CCDC63: variants seen among roughly 807,000 people sequenced by gnomAD.
CCDC63 encodes coiled-coil domain-containing protein 63.
CCDC63 carries 54 observed loss-of-function variants against 63.6 expected under a neutral mutation model. That is an observed-to-expected ratio of 0.85 (90% CI 0.68 to 1.07). CCDC63 has a LOEUF of 1.07. Ranked by LOEUF, CCDC63 falls within the 50% of genes least tolerant of loss-of-function variation. CCDC63 has a pLI of 0.00. For missense variants in CCDC63, 637 were observed against 689.6 expected (o/e 0.92, Z 0.86); for synonymous variants, 253 against 266.1 (o/e 0.95, Z 0.48).
chr12:110,889,218 A>AC lies in CCDC63; in HGVS notation c.1075-3857dup, dbSNP rs1236745108. Among the ~76,000 whole-genome samples, 35 of 152,262 alleles carry AC rather than the reference A, an allele frequency of 2.3e-4. No individual in the cohort carries two copies. Among genetic ancestry groups the AC allele is most frequent in the African/African-American group, 6.7e-4 (28 of 41,548 alleles). ...TTATTGAGCACCTACTGCGTTCCAG[A>AC]CACTGCTCTAGACCCTGATAATGTG... On this transcript the variant is annotated intron_variant, in intron 8 of 11. Coordinates refer to ENST00000308208, the MANE Select transcript of CCDC63 (RefSeq NM_152591.3). This position sits in a 1 kb window ranked among gnomAD's most constrained non-coding sequence, Gnocchi z 4.1.
chr12:110,876,038 G>A (rs1011046278), intron 5 of CCDC63, among the ~76,000 whole-genome samples: 2 of 151,616 alleles, frequency 1.3e-5, no homozygotes, highest in African/African-American at 4.8e-5. Flanking sequence ...TCTAGGAGGC[G>A]GAGTTTGCAG....
intron 1 of CCDC63, among the ~76,000 whole-genome samples, chr12:110,848,627 T>C (rs903946399): frequency 1.3e-5 from 2 of 152,100 alleles, no homozygotes; most frequent in Admixed American, 1.3e-4. Flanking sequence ...AAAATCCCAC[T>C]TCACAAACAG....
intron 8 of CCDC63, among the ~76,000 whole-genome samples, chr12:110,884,971 TTA>T (rs1323294792): frequency 2.0e-5 from 3 of 151,506 alleles, no homozygotes; most frequent in African/African-American, 7.3e-5. Context: ...AGTGCTGGGA[TTA>T]TATAGATGTG....
Position 110,907,228 on chromosome 12 carries a change from C to G in CCDC63, c.1547-103C>G, listed in dbSNP as rs78540170. ...CCCCCTCCTTGAAACCTGAGAATTT[C>G]CATGCTCCACTCCCCAGTGCTATGG... On this transcript the variant is annotated intron_variant, in intron 11 of 11. Coordinates refer to ENST00000308208, the MANE Select transcript of CCDC63 (RefSeq NM_152591.3). This position sits in a 1 kb window ranked among gnomAD's most constrained non-coding sequence, Gnocchi z 4.4. The G allele has an allele frequency of 0.03, 33,046 of 1,116,656 alleles. 620 individuals carry two copies. Among genetic ancestry groups the G allele is most frequent in the Non-Finnish European group, 0.035 (28,168 of 800,360 alleles). 69.2% of individuals were successfully genotyped at this position (1,116,656 alleles called of 1,614,324 possible). A position where few individuals can be genotyped will look rare whatever the true frequency, so the allele number is the denominator to read the frequency against.
chr12:110,906,313 C>T (rs1314652394), intron 11 of CCDC63, among the ~76,000 whole-genome samples: 1 of 110,090 alleles, frequency 9.1e-6, no homozygotes, highest in African/African-American at 3.7e-5. Context: ...GGCTCAGAGG[C>T]AGGAAGAGGA....
rs529288661 is a variant in CCDC63, at chr12:110,903,933, G to A, written c.1343-655G>A. Among the ~76,000 whole-genome samples, 6 of 152,220 alleles carry A rather than the reference G, an allele frequency of 3.9e-5. No homozygotes were observed. The East Asian group carries it at 5.8e-4, about 15-fold the overall frequency. ...CCTGGTGTTTCTCAACCTTCTTTTCGTCATCATCCTGCTAAGGAGCCTCTC... is the reference window on the plus strand; with the variant it reads ...CCTGGTGTTTCTCAACCTTCTTTTCATCATCATCCTGCTAAGGAGCCTCTC... On this transcript the variant is annotated intron_variant, in intron 10 of 11. Transcript: ENST00000308208.
At chr12:110,883,438 A>C (rs1049950020) in intron 7 of CCDC63, among the ~76,000 whole-genome samples, 5 of 152,156 alleles carry the variant, frequency 3.3e-5, no homozygotes, top group Non-Finnish European at 5.9e-5. Flanking sequence ...GGTGTGAGCT[A>C]CCATGCCCGG....
At chr12:110,900,750 C>A (rs2071475526) in intron 10 of CCDC63, among the ~76,000 whole-genome samples, 1 of 152,176 alleles carries the variant, frequency 6.6e-6, no homozygotes, top group African/African-American at 2.4e-5. Flanking sequence ...TAGGCACACG[C>A]CACCACGCCC....
rs927052852 is a variant in CCDC63 at position 110,907,073 on chromosome 12, C to T, written c.1547-258C>T. On this transcript the variant is annotated intron_variant, in intron 11 of 11. Transcript: ENST00000308208. The surrounding 1 kb of genome is among the most constrained non-coding windows in gnomAD (Gnocchi z 4.4). ...TCTCCTCAGGTGTCTTTGTGCAGTGCACATCCTGAACAACTGCACATGGTG... is the reference window on the plus strand; with the variant it reads ...TCTCCTCAGGTGTCTTTGTGCAGTGTACATCCTGAACAACTGCACATGGTG... Among the ~76,000 whole-genome samples, 1 of 152,238 alleles carries T rather than the reference C, an allele frequency of 6.6e-6. No individual in the cohort carries two copies. Among genetic ancestry groups the T allele is most frequent in the African/African-American group, 2.4e-5 (1 of 41,466 alleles).
rs2071243613 is a variant in CCDC63, at chr12:110,884,023, T to G, written c.854-7T>G. On this transcript the variant is annotated splice_region_variant and splice_polypyrimidine_tract_variant and intron_variant, in intron 7 of 11. Coordinates refer to ENST00000308208, the MANE Select transcript of CCDC63 (RefSeq NM_152591.3). ...AGTGTCACAGTGGCTGATTTTTCCT[T>G]TCCTAGCTCTCAAGGCAAAGAAGCA... 6.2e-7 allele frequency: 1 copy of G among 1,612,474 alleles called. No homozygotes were observed. Among genetic ancestry groups the G allele is most frequent in the African/African-American group, 1.3e-5 (1 of 74,862 alleles).
Position 110,884,099 on chromosome 12 carries a change from T to C in CCDC63, c.923T>C (p.Leu308Pro), listed in dbSNP as rs544182338. 1 of 1,614,014 alleles carries C rather than the reference T, an allele frequency of 6.2e-7. No individual in the cohort carries two copies. The highest frequency in any genetic ancestry group is 1.3e-5 in the African/African-American group (1 of 74,922). The part of the protein sequence containing the change: ...ESFESYEVAH[L>P]RLLKLAESGN... Reference sequence around the variant, plus strand: ...TTTGAGAGCTATGAGGTGGCCCACCTCCGGCTGCTGAAGCTGGCTGAGAGT... The same window carrying C: ...TTTGAGAGCTATGAGGTGGCCCACCCCCGGCTGCTGAAGCTGGCTGAGAGT... Residue 308 changes from leucine to proline, a missense_variant, in exon 8 of 12, where the codon CTC becomes CCC. Coordinates refer to ENST00000308208, the MANE Select transcript of CCDC63 (RefSeq NM_152591.3).
In CCDC63 at chr12:110,881,121, G is replaced by A; in HGVS notation, c.678G>A (p.Glu226=). Residue 226 remains glutamate, a synonymous_variant, in exon 7 of 12, where the codon GAG becomes GAA. Coordinates refer to ENST00000308208, the MANE Select transcript of CCDC63 (RefSeq NM_152591.3). ...QSSQAYEQRV[E]AMARMAAMKD... is the part of the protein sequence containing the mutation. ...CTGTACTCCCTTTGCCCAGGGTGGA[G>A]GCCATGGCTCGAATGGCTGCCATGA... 2 of 1,610,748 alleles carry A rather than the reference G, an allele frequency of 1.2e-6. No individual in the cohort carries two copies. Among genetic ancestry groups the A allele is most frequent in the Non-Finnish European group, 1.7e-6 (2 of 1,179,148 alleles).
At chr12:110,862,460 A>G (rs941052938) in intron 4 of CCDC63, among the ~76,000 whole-genome samples, 1 of 152,208 alleles carries the variant, frequency 6.6e-6, no homozygotes, top group Admixed American at 6.5e-5. Context: ...ACAATTCTCC[A>G]CCAGCCGTTG....
chr12:110,846,680 G>A (rs1016273692), upstream of CCDC63: 1 of 152,334 alleles, frequency 6.6e-6, no homozygotes, highest in African/African-American at 2.4e-5. Flanking sequence ...GGTGAATGGG[G>A]TGTGAGTGGG....
intron 1 of CCDC63, among the ~76,000 whole-genome samples, chr12:110,849,027 C>G (rs1246589109): frequency 6.6e-6 from 1 of 152,334 alleles, no homozygotes; most frequent in East Asian, 1.9e-4. Flanking sequence ...GATACAGAAC[C>G]ATTGTCTTAT....
At chr12:110,895,315 A>T (rs979216335) in intron 9 of CCDC63, among the ~76,000 whole-genome samples, 1 of 152,134 alleles carries the variant, frequency 6.6e-6, no homozygotes, top group African/African-American at 2.4e-5. Flanking sequence ...GGGTTTTACC[A>T]TGTTGGCAAG....
intron 8 of CCDC63, among the ~76,000 whole-genome samples, chr12:110,891,041 A>C (rs2071350646): frequency 6.6e-6 from 1 of 152,068 alleles, no homozygotes; most frequent in Non-Finnish European, 1.5e-5. Flanking sequence ...GGCCTCCCAA[A>C]GCACTGGGAT....
chr12:110,848,196 G>A (rs940106172), intron 1 of CCDC63, among the ~76,000 whole-genome samples: 15 of 152,372 alleles, frequency 9.8e-5, no homozygotes, highest in African/African-American at 2.6e-4. Context: ...GAGGAGTGGG[G>A]CCTGTGGCCA....
intron 9 of CCDC63, among the ~76,000 whole-genome samples, chr12:110,896,754 G>A (rs926097008): frequency 7.2e-5 from 11 of 152,350 alleles, no homozygotes; most frequent in Non-Finnish European, 1.0e-4. Context: ...GAATCACTGA[G>A]GGTGGAGTTG....
Sources: allele counts gnomAD v4.1 joint callset (sites outside exome capture counted in the v4.1 genomes callset), GRCh38; gene constraint gnomAD v4.1.1; non-coding constraint Gnocchi (gnomAD v3.1); transcripts MANE v1.5; gene names NCBI Gene and HGNC (gene_info 2026-07-23, HGNC 2026-07-21).